The following ARHGAP19 variants were observed in gnomAD, a reference collection of about 807,000 sequenced individuals.
ARHGAP19 encodes rho GTPase-activating protein 19.
A neutral mutation model predicts 60.9 loss-of-function variants in ARHGAP19; 48 were observed. The ratio of observed to expected loss-of-function variants is 0.79; its 90% CI spans 0.62 to 1.00. The LOEUF (loss-of-function observed/expected upper bound fraction) is 1.00, where lower values mean the gene tolerates loss of function less well. Among genes scored for constraint, ARHGAP19 ranks in the 50% least tolerant of loss-of-function variants. The pLI is 0.00. For missense variants in ARHGAP19, 562 were observed against 597.2 expected (o/e 0.94, Z 0.61); for synonymous variants, 209 against 215.5 (o/e 0.97, Z 0.27).
intron 1 of ARHGAP19, among the ~76,000 whole-genome samples, chr10:97,285,628 T>C (rs1166227075): frequency 2.0e-5 from 3 of 151,334 alleles, no homozygotes; most frequent in Non-Finnish European, 4.4e-5. Context: ...TTCAAGCAAT[T>C]ATCCTGCCTC....
chr10:97,238,043 G>A (rs1302927053), intron 8 of ARHGAP19, among the ~76,000 whole-genome samples: 1 of 151,630 alleles, frequency 6.6e-6, no homozygotes, highest in Non-Finnish European at 1.5e-5. Context: ...TCTTTCAGGA[G>A]GTATTCTAGA....
rs141944232 is a variant in ARHGAP19 at position 97,258,616 on chromosome 10, T to G, written c.840+786A>C. 8.9e-3 allele frequency: 1,362 copies of G among 152,990 alleles called. 24 individuals are homozygous for G. Among genetic ancestry groups the G allele is most frequent in the African/African-American group, 0.032 (1,313 of 41,488 alleles). The allele number at this position is 152,990 out of a possible 1,614,324, so 9.5% of individuals were successfully genotyped here. A position where few individuals can be genotyped will look rare whatever the true frequency, so the allele number is the denominator to read the frequency against. On this transcript the variant is annotated intron_variant, in intron 5 of 11. Transcript: ENST00000358531. ...TATCCTGGCTCACAACTCCATCACATAGTAAAACCATATTATAAGTGGGCA... is the reference window on the plus strand; with the variant it reads ...TATCCTGGCTCACAACTCCATCACAGAGTAAAACCATATTATAAGTGGGCA...
chr10:97,272,129 G>GTTTTTTT (rs1842965911), intron 1 of ARHGAP19, among the ~76,000 whole-genome samples: 2 of 69,162 alleles, frequency 2.9e-5, no homozygotes, highest in African/African-American at 1.1e-4. Context: ...TGGGAAATAT[G>GTTTTTTT]TCTTTTTTTT....
chr10:97,227,388 C>T (rs1204310242), intron 11 of ARHGAP19, among the ~76,000 whole-genome samples: 1 of 151,980 alleles, frequency 6.6e-6, no homozygotes, highest in African/African-American at 2.4e-5. Context: ...CAGAGCTGAG[C>T]AGTGGAAGGA....
intron 8 of ARHGAP19, among the ~76,000 whole-genome samples, chr10:97,238,098 T>G (rs1589447671): frequency 6.6e-6 from 1 of 152,180 alleles, no homozygotes; most frequent in African/African-American, 2.4e-5. Flanking sequence ...ATGAGTGATA[T>G]TGCCTCTGAA....
At chr10:97,236,803 GAAAA>G (rs71007323) in intron 8 of ARHGAP19, among the ~76,000 whole-genome samples, 12 of 80,014 alleles carry the variant, frequency 1.5e-4, no homozygotes, top group African/African-American at 6.1e-4. Context: ...AACAGACTCA[GAAAA>G]AAAAAAAAAA....
At chr10:97,249,194 T>C (rs10786319) in intron 6 of ARHGAP19, among the ~76,000 whole-genome samples, 79,570 of 151,940 alleles carry the variant, frequency 0.52, 22,111 homozygotes, top group East Asian at 0.71. Context: ...AATTAGAAAA[T>C]CTTTATTTTT....
At chr10:97,247,826 C>A (rs771604463) in intron 6 of ARHGAP19, among the ~76,000 whole-genome samples, 35 of 151,898 alleles carry the variant, frequency 2.3e-4, no homozygotes, top group South Asian at 1.0e-3. Flanking sequence ...TAAGAAAAAA[C>A]CAGGAAATAG....
At chr10:97,235,117 G>C in intron 9 of ARHGAP19, 100 bp downstream of exon 9, 3 of 1,131,114 alleles carry the variant, frequency 2.7e-6, no homozygotes, top group Non-Finnish European at 3.9e-6. Context: ...CCCTTTATAG[G>C]GTCCCCAAAA....
chr10:97,286,750 C>A (rs1327886701), intron 1 of ARHGAP19, among the ~76,000 whole-genome samples: 1 of 152,158 alleles, frequency 6.6e-6, no homozygotes, highest in African/African-American at 2.4e-5. Context: ...TAAGCTGGCT[C>A]TTCATGTAAT....
chr10:97,231,558 T>C (rs749276135), intron 9 of ARHGAP19, among the ~76,000 whole-genome samples: 3 of 152,330 alleles, frequency 2.0e-5, no homozygotes, highest in East Asian at 1.9e-4. Context: ...AATCATACAG[T>C]ATTTTTCCTT....
intron 1 of ARHGAP19, among the ~76,000 whole-genome samples, chr10:97,292,268 C>G (rs931855752): frequency 6.6e-6 from 1 of 152,220 alleles, no homozygotes; most frequent in Non-Finnish European, 1.5e-5. Context: ...ACTTCCGTTT[C>G]CTCGCCATCA....
In ARHGAP19 at chr10:97,251,072, T is replaced by TAAGG. The variant is rs552345342; in HGVS notation, c.928-4739_928-4736dup. On this transcript the variant is annotated intron_variant, in intron 6 of 11. Transcript: ENST00000358531. Reference sequence around the variant, plus strand: ...TGAGACCCTGTCAAAAGAAAGAAAATAAGGAAGGAAGGGAAAGGGGAAGGG... The same window carrying TAAGG: ...TGAGACCCTGTCAAAAGAAAGAAAATAAGGAAGGAAGGAAGGGAAAGGGGAAGGG... Among the ~76,000 whole-genome samples the TAAGG allele has an allele frequency of 4.4e-3, 403 of 90,996 alleles. 1 individual carries two copies. The highest frequency in any genetic ancestry group is 0.015 in the African/African-American group (341 of 22,188). 59.7% of individuals were successfully genotyped at this position (90,996 alleles called of 152,430 possible). A position where few individuals can be genotyped will look rare whatever the true frequency, so the allele number is the denominator to read the frequency against.
chr10:97,277,692 A>G (rs1843037240), intron 1 of ARHGAP19: 1 of 152,320 alleles, frequency 6.6e-6, no homozygotes, highest in African/African-American at 2.4e-5. Context: ...AGAAGATGAG[A>G]GCTACTGTTC....
intron 8 of ARHGAP19, among the ~76,000 whole-genome samples, chr10:97,237,077 C>T (rs1411542401): frequency 5.3e-5 from 8 of 151,824 alleles, no homozygotes; most frequent in Admixed American, 5.2e-4. Flanking sequence ...CCAGCCTGGG[C>T]AACATGGCGA....
At chr10:97,235,349 C>G in intron 8 of ARHGAP19, 34 bp from the exon 9 acceptor site, 1 of 1,546,232 alleles carries the variant, frequency 6.5e-7, no homozygotes. Flanking sequence ...TTTATAAATA[C>G]TTTCCCATCA....
chr10:97,283,353 G>A (rs539689767), intron 1 of ARHGAP19, among the ~76,000 whole-genome samples: 10 of 151,568 alleles, frequency 6.6e-5, no homozygotes, highest in Admixed American at 4.6e-4. Context: ...TCAAGAGTTC[G>A]AGACCAACCT....
chr10:97,255,273 C>T lies in ARHGAP19; in HGVS notation c.927+1045G>A, dbSNP rs757133315. Reference sequence around the variant, plus strand: ...AACCAGAACTGGATGATCTTGGAAACTTTCAGCCTCTCCAGATGGCAAAAG... The same window carrying T: ...AACCAGAACTGGATGATCTTGGAAATTTTCAGCCTCTCCAGATGGCAAAAG... On this transcript the variant is annotated intron_variant, in intron 6 of 11. Transcript: ENST00000358531. Among the ~76,000 whole-genome samples, 4 of 152,298 alleles carry T rather than the reference C, an allele frequency of 2.6e-5. No homozygotes were observed. The South Asian group carries it at 8.3e-4, about 32-fold the overall frequency.
At chr10:97,289,133 G>A (rs1268919170) in intron 1 of ARHGAP19, among the ~76,000 whole-genome samples, 2 of 118,886 alleles carry the variant, frequency 1.7e-5, no homozygotes, top group African/African-American at 3.3e-5. Context: ...TTTTTTTTTC[G>A]AAACGTAGTC....
Sources: allele counts gnomAD v4.1 joint callset (sites outside exome capture counted in the v4.1 genomes callset), GRCh38; gene constraint gnomAD v4.1.1; transcripts MANE v1.5; gene names NCBI Gene and HGNC (gene_info 2026-07-23, HGNC 2026-07-21).